Variants in ANKRD45 observed in about 807,000 individuals in gnomAD.
The protein encoded by ANKRD45 is ankyrin repeat domain 45, also known as ankyrin repeat domain-containing protein 45.
A neutral mutation model predicts 28.1 loss-of-function variants in ANKRD45; 21 were observed. That is an observed-to-expected ratio of 0.75 (90% CI 0.53 to 1.08). The LOEUF (loss-of-function observed/expected upper bound fraction) is 1.08, where lower values mean the gene tolerates loss of function less well. Among genes scored for constraint, ANKRD45 ranks in the 50% least tolerant of loss-of-function variants. ANKRD45 has a pLI of 0.00. For synonymous variants in ANKRD45, 86 were observed against 103.9 expected (o/e 0.83, Z 1.05); for missense variants, 261 against 308.7 (o/e 0.85, Z 1.16).
At chr1:173,691,737 A>C in the ANKRD45 span, among the ~76,000 whole-genome samples, 1 of 152,242 alleles carries the variant, frequency 6.6e-6, no homozygotes, top group African/African-American at 2.4e-5. Flanking sequence ...CAGTGAGCTG[A>C]GATCACGCCA....
the ANKRD45 span, among the ~76,000 whole-genome samples, chr1:173,681,183 A>G: frequency 6.6e-6 from 1 of 152,188 alleles, no homozygotes; most frequent in Non-Finnish European, 1.5e-5. Context: ...GGTTTTAAAA[A>G]AATTAGAATA....
At chr1:173,682,856 T>G in the ANKRD45 span, among the ~76,000 whole-genome samples, 18 of 152,186 alleles carry the variant, frequency 1.2e-4, no homozygotes, top group African/African-American at 4.1e-4. Context: ...CATTGCTCTT[T>G]CAGTTTGGCC....
intron 5 of ANKRD45, among the ~76,000 whole-genome samples, chr1:173,613,371 G>A (rs1667278689): frequency 6.6e-6 from 1 of 151,834 alleles, no homozygotes; most frequent in African/African-American, 2.4e-5. Context: ...CCCCGTCTGA[G>A]AAGTGAGGAG....
At chr1:173,636,246 C>A (rs1668436891) in intron 3 of ANKRD45, among the ~76,000 whole-genome samples, 1 of 152,072 alleles carries the variant, frequency 6.6e-6, no homozygotes, top group Non-Finnish European at 1.5e-5. Flanking sequence ...TCTAAGAAAT[C>A]TAAGTACAAA....
intron 5 of ANKRD45, among the ~76,000 whole-genome samples, chr1:173,621,996 A>G (rs1280070117): frequency 6.6e-6 from 1 of 152,278 alleles, no homozygotes; most frequent in East Asian, 1.9e-4. Context: ...AATTGCTAGC[A>G]TTTTTATACA....
At chr1:173,623,620 A>G (rs1308593657) in intron 5 of ANKRD45, among the ~76,000 whole-genome samples, 1 of 152,180 alleles carries the variant, frequency 6.6e-6, no homozygotes, top group East Asian at 1.9e-4. Context: ...TATATACCCA[A>G]GGGAATATAA....
intron 2 of ANKRD45, among the ~76,000 whole-genome samples, chr1:173,656,012 G>T (rs1047201113): frequency 1.3e-5 from 2 of 152,156 alleles, no homozygotes; most frequent in Non-Finnish European, 2.9e-5. Context: ...AGTGTATCAT[G>T]GCTTCCCTTG....
At chr1:173,665,319 G>T (rs748845255) in intron 1 of ANKRD45, among the ~76,000 whole-genome samples, 4 of 151,966 alleles carry the variant, frequency 2.6e-5, no homozygotes, top group African/African-American at 9.7e-5. Context: ...AGGACTATAG[G>T]CCCATGCCAC....
the ANKRD45 span, among the ~76,000 whole-genome samples, chr1:173,680,973 G>A: frequency 6.6e-6 from 1 of 151,456 alleles, no homozygotes; most frequent in Non-Finnish European, 1.5e-5. Flanking sequence ...GGTGGGTGGG[G>A]GGGAGGCGGG....
the ANKRD45 span, among the ~76,000 whole-genome samples, chr1:173,695,531 T>TCTTTGCAGC: frequency 8.5e-5 from 13 of 152,344 alleles, no homozygotes; most frequent in African/African-American, 2.9e-4. Context: ...AAGGACATGA[T>TCTTTGCAGC]ATCACTCTTT....
chr1:173,706,402 G>A, the ANKRD45 span, among the ~76,000 whole-genome samples: 3 of 148,756 alleles, frequency 2.0e-5, no homozygotes, highest in Admixed American at 2.0e-4. Flanking sequence ...GCAGTGGCAC[G>A]ATCTCAGCTC....
chr1:173,673,910 T>C (rs933336332), upstream of ANKRD45, among the ~76,000 whole-genome samples: 1 of 152,246 alleles, frequency 6.6e-6, no homozygotes, highest in African/African-American at 2.4e-5. Context: ...ATGTAGCTAA[T>C]CTCTACAGTT....
In ANKRD45 at chr1:173,650,105, CTTATT is replaced by C. The variant is rs1256943579; in HGVS notation, c.329-3097_329-3093del. ...TTTTTGCCATAAATGTCTTACAATTCTTATTTTATTATTATTACACTTTAAGTTCT... is the reference window on the plus strand; with the variant it reads ...TTTTTGCCATAAATGTCTTACAATTCTTATTATTATTACACTTTAAGTTCT... On this transcript the variant is annotated intron_variant, in intron 2 of 5. Transcript: ENST00000333279. Among the ~76,000 whole-genome samples, 3 of 151,986 alleles carry C rather than the reference CTTATT, an allele frequency of 2.0e-5. No homozygotes were observed. The East Asian group carries it at 5.8e-4, about 29-fold the overall frequency.
At chr1:173,666,941 CA>C (rs1215161148) in intron 1 of ANKRD45, among the ~76,000 whole-genome samples, 1 of 151,986 alleles carries the variant, frequency 6.6e-6, no homozygotes, top group African/African-American at 2.4e-5. Flanking sequence ...TCTGTAGAGA[CA>C]GGGGGTCTGG....
At chr1:173,667,372 A>C (rs1670067530) in intron 1 of ANKRD45, among the ~76,000 whole-genome samples, 1 of 152,158 alleles carries the variant, frequency 6.6e-6, no homozygotes, top group South Asian at 2.1e-4. Flanking sequence ...GTTCATTGAC[A>C]TGGCTTCAGA....
the ANKRD45 span, among the ~76,000 whole-genome samples, chr1:173,695,466 G>C: frequency 2.0e-5 from 3 of 152,142 alleles, no homozygotes; most frequent in African/African-American, 7.2e-5. Context: ...TTGGTTTTCT[G>C]TTCCTGTGTT....
chr1:173,610,478 G>A (rs1399064558), intron 5 of ANKRD45, among the ~76,000 whole-genome samples: 23 of 152,142 alleles, frequency 1.5e-4, no homozygotes, highest in Admixed American at 1.3e-3. Context: ...TGAATAAACC[G>A]CTAAACCTCT....
At chr1:173,691,946 T>G in the ANKRD45 span, among the ~76,000 whole-genome samples, 7 of 152,210 alleles carry the variant, frequency 4.6e-5, no homozygotes, top group African/African-American at 1.7e-4. Flanking sequence ...CTGCATGGGC[T>G]AAACTAATAC....
rs182642281 is a variant in ANKRD45 at position 173,637,456 on chromosome 1, T to G, written c.496+9390A>C. 6.0e-4 allele frequency among the ~76,000 whole-genome samples: 92 copies of G among 152,348 alleles called. No individual in the cohort carries two copies. In the South Asian group the frequency reaches 0.012, roughly 20 times the overall value. On this transcript the variant is annotated intron_variant, in intron 3 of 5. Coordinates refer to ENST00000333279, the MANE Select transcript of ANKRD45 (RefSeq NM_198493.3). ...AGGTATTTGCCCTGGCATGCCTGAA[T>G]AGGTCCAAGCAAGCATGAGGTCATA...
Sources: allele counts gnomAD v4.1 joint callset (sites outside exome capture counted in the v4.1 genomes callset), GRCh38; gene constraint gnomAD v4.1.1; transcripts MANE v1.5; gene names NCBI Gene and HGNC (gene_info 2026-07-23, HGNC 2026-07-21).